The following PLCH1 variants were observed in gnomAD, a reference collection of about 807,000 sequenced individuals.
PLCH1 encodes the protein phospholipase C eta 1.
In PLCH1, 60 loss-of-function variants were observed where a neutral mutation model predicts 126.7. That is an observed-to-expected ratio of 0.47 (90% CI 0.38 to 0.59). PLCH1 has a LOEUF of 0.59. Ranked by LOEUF, PLCH1 falls within the 20% of genes least tolerant of loss-of-function variation. PLCH1 has a pLI of 0.00. For synonymous variants in PLCH1, 719 were observed against 734.9 expected, an observed-to-expected ratio of 0.98 and a Z score of 0.35; for missense variants, 1,723 against 2,040.0, an observed-to-expected ratio of 0.84 and a Z score of 2.99.
At chr3:155,567,148 C>T (rs1345855759) in intron 7 of PLCH1, among the ~76,000 whole-genome samples, 1 of 152,160 alleles carries the variant, frequency 6.6e-6, no homozygotes. Context: ...TCTCGGCTCA[C>T]TGCAACCTCC....
At chr3:155,744,588 GACAC>G (rs989510533) in intron 1 of PLCH1, among the ~76,000 whole-genome samples, 9 of 152,078 alleles carry the variant, frequency 5.9e-5, no homozygotes, top group Admixed American at 5.9e-4. Flanking sequence ...TTATTTCGCG[GACAC>G]ACACACCCAC....
At chr3:155,692,890 C>G (rs1426735710) in intron 2 of PLCH1, among the ~76,000 whole-genome samples, 2 of 151,980 alleles carry the variant, frequency 1.3e-5, no homozygotes, top group Non-Finnish European at 2.9e-5. Context: ...CTCAGAATAG[C>G]TGGGATCTCC....
chr3:155,613,588 G>A lies in PLCH1; in HGVS notation c.80-17210C>T, dbSNP rs115618253. Among the ~76,000 whole-genome samples, 293 of 152,286 alleles carry A rather than the reference G, an allele frequency of 1.9e-3. 1 individual carries two copies. The highest frequency in any genetic ancestry group is 6.7e-3 in the African/African-American group (279 of 41,562). ...CTCAACAGACACAGAAAAAGTGTTT[G>A]ACAAAATCCAGCATCCTTTATGATT... is the stretch of plus-strand genomic sequence containing the variant. On this transcript the variant is annotated intron_variant, in intron 2 of 22. Transcript: ENST00000460012.
intron 2 of PLCH1, among the ~76,000 whole-genome samples, chr3:155,665,127 G>A (rs1024002730): frequency 2.0e-5 from 3 of 152,036 alleles, no homozygotes; most frequent in African/African-American, 4.8e-5. Context: ...GGCCAGAGGA[G>A]GTACTCCTAG....
intron 1 of PLCH1, among the ~76,000 whole-genome samples, chr3:155,726,639 T>C (rs976652827): frequency 2.0e-5 from 3 of 152,004 alleles, no homozygotes; most frequent in Non-Finnish European, 4.4e-5. Flanking sequence ...TGTTGCCTTT[T>C]CCAATTTTCT....
chr3:155,643,739 G>C (rs760407289), intron 2 of PLCH1, among the ~76,000 whole-genome samples: 8 of 152,198 alleles, frequency 5.3e-5, no homozygotes, highest in Non-Finnish European at 1.2e-4. Flanking sequence ...GTCTGGTGTT[G>C]CCCATCATTG....
At chr3:155,524,214 C>A (rs1472740227) in intron 10 of PLCH1, among the ~76,000 whole-genome samples, 2 of 152,070 alleles carry the variant, frequency 1.3e-5, no homozygotes, top group East Asian at 1.9e-4. Flanking sequence ...TTGAAATAAG[C>A]TAGACATAAA....
At chr3:155,512,728 G>A (rs139898475) in intron 12 of PLCH1, among the ~76,000 whole-genome samples, 174 of 152,288 alleles carry the variant, frequency 1.1e-3, no homozygotes, top group Non-Finnish European at 2.1e-3. Flanking sequence ...GAACAGAAAG[G>A]AAGGATCTTA....
At chr3:155,686,531 T>C (rs1173813013) in intron 2 of PLCH1, among the ~76,000 whole-genome samples, 3 of 152,200 alleles carry the variant, frequency 2.0e-5, no homozygotes, top group Non-Finnish European at 4.4e-5. Context: ...CGGTGTGGCA[T>C]GGTAGGTACC....
chr3:155,472,358 C>A (rs950831948), intron 21 of PLCH1, among the ~76,000 whole-genome samples: 2 of 152,166 alleles, frequency 1.3e-5, no homozygotes, highest in Admixed American at 6.5e-5. Context: ...GACACATACA[C>A]CCTCCCAAGA....
At chr3:155,741,351 A>G (rs1749607408) in intron 1 of PLCH1, among the ~76,000 whole-genome samples, 1 of 152,246 alleles carries the variant, frequency 6.6e-6, no homozygotes, top group Non-Finnish European at 1.5e-5. Flanking sequence ...CACTTGGTCC[A>G]CAATTCACAG....
At chr3:155,524,257 A>G (rs571976703) in intron 10 of PLCH1, among the ~76,000 whole-genome samples, 1 of 152,358 alleles carries the variant, frequency 6.6e-6, no homozygotes, top group African/African-American at 2.4e-5. Context: ...ATTTATATCA[A>G]ATTCATAGAG....
intron 2 of PLCH1, among the ~76,000 whole-genome samples, chr3:155,678,700 C>T (rs1207265250): frequency 6.6e-6 from 1 of 152,132 alleles, no homozygotes; most frequent in South Asian, 2.1e-4. Context: ...TGATGGGTCA[C>T]CTCAACAACC....
At chr3:155,458,727 A>G (rs1712596011) in intron 21 of PLCH1, among the ~76,000 whole-genome samples, 1 of 152,094 alleles carries the variant, frequency 6.6e-6, no homozygotes, top group Non-Finnish European at 1.5e-5. Context: ...CAGCAGATAC[A>G]TTGTCTATTA....
At chr3:155,542,978 C>A (rs369466232) in intron 10 of PLCH1, among the ~76,000 whole-genome samples, 1 of 152,176 alleles carries the variant, frequency 6.6e-6, no homozygotes, top group African/African-American at 2.4e-5. Context: ...AAAAGCAGAG[C>A]ACCTTTCCTC....
intron 21 of PLCH1, chr3:155,457,735 T>A (rs1377397067): frequency 1.3e-5 from 2 of 152,208 alleles, no homozygotes; most frequent in Non-Finnish European, 2.9e-5. Flanking sequence ...TAATACTATA[T>A]TAAAATTGCT....
chr3:155,515,800 A>G (rs80105192), intron 11 of PLCH1, among the ~76,000 whole-genome samples: 1 of 120,324 alleles, frequency 8.3e-6, no homozygotes, highest in East Asian at 2.4e-4. Context: ...CTAAAGACCA[A>G]CCCCCCAAAG....
intron 21 of PLCH1, among the ~76,000 whole-genome samples, chr3:155,471,655 A>C (rs1314392486): frequency 6.8e-6 from 1 of 147,300 alleles, no homozygotes; most frequent in African/African-American, 2.5e-5. Flanking sequence ...CACCTATTCC[A>C]AAATTGACCA....
chr3:155,661,177 T>C (rs142289855), intron 2 of PLCH1, among the ~76,000 whole-genome samples: 3 of 152,318 alleles, frequency 2.0e-5, no homozygotes, highest in East Asian at 3.9e-4. Flanking sequence ...AACTTTGTAG[T>C]TCACATAGCA....
Sources: gnomAD v4.1 joint callset for allele counts (sites outside exome capture counted in the v4.1 genomes callset) on GRCh38, gnomAD v4.1.1 for gene constraint, MANE v1.5 for transcripts, NCBI Gene and HGNC (gene_info 2026-07-23, HGNC 2026-07-21) for gene names.